The following PDE4C variants were observed in gnomAD, a reference collection of about 807,000 sequenced individuals.
The protein encoded by PDE4C is 3',5'-cyclic-AMP phosphodiesterase 4C.
A neutral mutation model predicts 63.9 loss-of-function variants in PDE4C; 50 were observed. The observed-to-expected ratio is 0.78, with a 90% CI of 0.62 to 0.99. The LOEUF (loss-of-function observed/expected upper bound fraction) is 0.99, where lower values mean the gene tolerates loss of function less well. Ranked by LOEUF, PDE4C falls within the 50% of genes least tolerant of loss-of-function variation. The probability of loss-of-function intolerance (pLI) is 0.00; values close to 1 mark genes in which losing one functional copy is unlikely to be tolerated. For missense variants in PDE4C, 777 were observed against 899.1 expected (o/e 0.86, Z 1.74); for synonymous variants, 377 against 385.1 (o/e 0.98, Z 0.25).
At chr19:18,251,380 C>A (rs542026476), upstream of PDE4C, among the ~76,000 whole-genome samples, 1 of 151,492 alleles carries the variant, frequency 6.6e-6, no homozygotes, top group African/African-American at 2.4e-5. Context: ...CCCACCTTGG[C>A]CTCCCAAAGT....
In PDE4C at chr19:18,221,250, G is replaced by A; in HGVS notation, c.375+11C>T. On this transcript the variant is annotated intron_variant, in intron 3 of 14. Transcript: ENST00000262805. ...GAGGGGGTCAGGGCAGGGAGGGCGGGGGACACCCACCTGGGCAAAGGGCGT... is the reference window on the plus strand; with the variant it reads ...GAGGGGGTCAGGGCAGGGAGGGCGGAGGACACCCACCTGGGCAAAGGGCGT... 5.2e-6 allele frequency: 8 copies of A among 1,547,896 alleles called. No individual in the cohort carries two copies. Among genetic ancestry groups the A allele is most frequent in the Non-Finnish European group, 6.9e-6 (8 of 1,153,854 alleles).
At chr19:18,219,256 T>C (rs1968354132) in exon 8 of PDE4C, 1 of 1,614,022 alleles carries the variant, frequency 6.2e-7, no homozygotes, top group South Asian at 1.1e-5. Context: ...CTCCTCCTGG[T>C]CAGTCTGGAC....
At chr19:18,249,265 G>A (rs1189140454), upstream of PDE4C, among the ~76,000 whole-genome samples, 1 of 151,888 alleles carries the variant, frequency 6.6e-6, no homozygotes, top group Non-Finnish European at 1.5e-5. Flanking sequence ...CACCATGCCC[G>A]GCACCCCCAG....
At chr19:18,227,258 C>T (rs368330308), upstream of PDE4C, among the ~76,000 whole-genome samples, 55 of 152,224 alleles carry the variant, frequency 3.6e-4, no homozygotes, top group African/African-American at 1.3e-3. Flanking sequence ...TCCATGGACG[C>T]GGTCACGGGC....
chr19:18,221,049 T>TCCGCCAGGCTCCGCCCCACC, intron 4 of PDE4C, 56 bp downstream of exon 4: 5 of 1,239,968 alleles, frequency 4.0e-6, no homozygotes, highest in Non-Finnish European at 5.7e-6. Context: ...CAGCCCGCTT[T>TCCGCCAGGCTCCGCCCCACC]CCGCCCACCT....
chr19:18,212,679 TTG>T (rs1968010515), intron 13 of PDE4C, among the ~76,000 whole-genome samples: 1 of 148,056 alleles, frequency 6.8e-6, no homozygotes, highest in African/African-American at 2.5e-5. Context: ...AAAATTGTTT[TTG>T]TTTGTTTGTT....
At chr19:18,237,443 C>A (rs1365496247), upstream of PDE4C, among the ~76,000 whole-genome samples, 1 of 151,972 alleles carries the variant, frequency 6.6e-6, no homozygotes, top group Non-Finnish European at 1.5e-5. Context: ...TCCAGCTACT[C>A]GGGAGGCTGA....
intron 2 of PDE4C, among the ~76,000 whole-genome samples, chr19:18,221,527 G>A (rs1968484595): frequency 2.0e-5 from 3 of 152,138 alleles, no homozygotes; most frequent in Admixed American, 1.3e-4. Flanking sequence ...CTAGGGGTAC[G>A]TAGATATTTC....
chr19:18,220,182 G>A lies in PDE4C; in HGVS notation c.706+44C>T, dbSNP rs1274047718. 3.5e-6 allele frequency: 5 copies of A among 1,443,984 alleles called. No homozygotes were observed. In the South Asian group the frequency reaches 4.6e-5, roughly 13 times the overall value. The allele number at this position is 1,443,984 out of a possible 1,614,324, so 89.4% of individuals were successfully genotyped here. Reference sequence around the variant, plus strand: ...ATAGGAATCTTTCTTTTGTTTCTTAGTACTCCTAAAATGTCGTCCAGGCAG... The same window carrying A: ...ATAGGAATCTTTCTTTTGTTTCTTAATACTCCTAAAATGTCGTCCAGGCAG... On this transcript the variant is annotated intron_variant, in intron 7 of 14. Transcript: ENST00000262805. This position sits in a 1 kb window ranked among gnomAD's most constrained non-coding sequence, Gnocchi z 5.1.
At chr19:18,218,342 C>T (rs1968297572) in exon 10 of PDE4C, 6 of 1,614,208 alleles carry the variant, frequency 3.7e-6, no homozygotes, top group Non-Finnish European at 5.1e-6. Flanking sequence ...ACCTCGAGGG[C>T]GGGCGTAGCC....
intron 11 of PDE4C, 25 bp from the exon 12 acceptor site, chr19:18,216,920 C>G: frequency 1.3e-6 from 2 of 1,573,850 alleles, no homozygotes; most frequent in Non-Finnish European, 1.7e-6. Flanking sequence ...GACTGAGAGC[C>G]CCAAGATCCA....
At chr19:18,213,466 G>C in exon 13 of PDE4C, 1 of 1,613,180 alleles carries the variant, frequency 6.2e-7, no homozygotes, top group Non-Finnish European at 8.5e-7. Flanking sequence ...AGGTTCATGT[G>C]TTTGGACATG....
At chr19:18,251,935 T>C (rs921103286), upstream of PDE4C, 15 of 396,630 alleles carry the variant, frequency 3.8e-5, no homozygotes, top group Non-Finnish European at 6.6e-5. Context: ...CTTTAGACAA[T>C]GGAGCAGAGA....
chr19:18,245,192 C>T (rs11086096), intron 1 of PDE4C, among the ~76,000 whole-genome samples: 91,943 of 150,930 alleles, frequency 0.61, 28,172 homozygotes, highest in Middle Eastern at 0.72. Flanking sequence ...GAGACAGAGT[C>T]GCACTCTGTT....
chr19:18,221,049 T>TCCGCCAGTCCCCGCCCCACC lies in PDE4C; in HGVS notation c.449+55_449+56insGGTGGGGCGGGGACTGGCGG. 7 of 1,239,966 alleles carry TCCGCCAGTCCCCGCCCCACC rather than the reference T, an allele frequency of 5.6e-6. 1 individual carries two copies. Among genetic ancestry groups the TCCGCCAGTCCCCGCCCCACC allele is most frequent in the Non-Finnish European group, 8.0e-6 (7 of 874,826 alleles). 76.8% of individuals were successfully genotyped at this position (1,239,966 alleles called of 1,614,324 possible). ...CCCAGCCTCAATTTGCAGCCCGCTT[T>TCCGCCAGTCCCCGCCCCACC]CCGCCCACCTTGTCTCTGCCGGCCC... On this transcript the variant is annotated intron_variant, in intron 4 of 14. Coordinates refer to ENST00000262805, the Ensembl canonical transcript of PDE4C.
intron 1 of PDE4C, among the ~76,000 whole-genome samples, chr19:18,239,882 C>T (rs916774090): frequency 2.6e-5 from 4 of 151,866 alleles, no homozygotes; most frequent in African/African-American, 4.8e-5. Flanking sequence ...AAAAATTAGC[C>T]GAGCATGGCG....
downstream of PDE4C, chr19:18,208,761 TA>T (rs1967801575): frequency 6.6e-6 from 1 of 152,180 alleles, no homozygotes; most frequent in African/African-American, 2.4e-5. Flanking sequence ...CGTCGGAGTT[TA>T]TCCAAGTACT....
upstream of PDE4C, chr19:18,250,050 G>T (rs1600109138): frequency 2.5e-6 from 1 of 398,728 alleles, no homozygotes; most frequent in East Asian, 3.6e-5. Flanking sequence ...GAATGGTAGG[G>T]GCTTTATTTC....
At chr19:18,223,500 G>A (rs963868744) in intron 1 of PDE4C, among the ~76,000 whole-genome samples, 3 of 152,102 alleles carry the variant, frequency 2.0e-5, no homozygotes, top group Non-Finnish European at 2.9e-5. Flanking sequence ...GTGAGCCACC[G>A]TGCCCGGCCA....
Sources: allele counts gnomAD v4.1 joint callset (sites outside exome capture counted in the v4.1 genomes callset), GRCh38; gene constraint gnomAD v4.1.1; non-coding constraint Gnocchi (gnomAD v3.1); transcripts MANE v1.5; gene names NCBI Gene and HGNC (gene_info 2026-07-23, HGNC 2026-07-21).